The following CEP112 variants were observed in gnomAD, a reference collection of about 807,000 sequenced individuals.
CEP112 encodes the protein centrosomal protein 112.
CEP112 carries 127 observed loss-of-function variants against 153.0 expected under a neutral mutation model. The ratio of observed to expected loss-of-function variants is 0.83; its 90% CI spans 0.72 to 0.96. The LOEUF is 0.96. Ranked by LOEUF, CEP112 falls within the 40% of genes least tolerant of loss-of-function variation. The pLI is 0.00. For synonymous variants in CEP112, 358 were observed against 374.4 expected (o/e 0.96, Z 0.51); for missense variants, 1,089 against 1,101.2 (o/e 0.99, Z 0.16).
At chr17:65,666,841 G>A (rs1432240379) in intron 24 of CEP112, among the ~76,000 whole-genome samples, 4 of 151,716 alleles carry the variant, frequency 2.6e-5, no homozygotes, top group Admixed American at 2.6e-4. Flanking sequence ...TTATACTCTG[G>A]CAAGGCATAC....
intron 6 of CEP112, among the ~76,000 whole-genome samples, chr17:66,115,327 A>G (rs1048034237): frequency 1.1e-4 from 16 of 152,234 alleles, no homozygotes; most frequent in Non-Finnish European, 5.9e-5. Flanking sequence ...AATATCTATC[A>G]TATCAGTTAG....
chr17:66,058,631 C>T (rs2066800914), intron 11 of CEP112, among the ~76,000 whole-genome samples: 1 of 152,052 alleles, frequency 6.6e-6, no homozygotes, highest in African/African-American at 2.4e-5. Flanking sequence ...AGGAGGATCG[C>T]TTGAGGTCAG....
At chr17:66,074,658 T>C (rs2067420211) in intron 8 of CEP112, among the ~76,000 whole-genome samples, 1 of 150,774 alleles carries the variant, frequency 6.6e-6, no homozygotes, top group African/African-American at 2.4e-5. Flanking sequence ...AGGTCAAGAG[T>C]TCGAGGCCAT....
At chr17:65,926,115 A>C (rs1004194045) in intron 19 of CEP112, among the ~76,000 whole-genome samples, 2 of 152,196 alleles carry the variant, frequency 1.3e-5, no homozygotes, top group South Asian at 2.1e-4. Context: ...AACCGGTCCT[A>C]ACCTCCCTCT....
At chr17:66,129,475 TC>T (rs2070025631) in intron 6 of CEP112, among the ~76,000 whole-genome samples, 1 of 152,180 alleles carries the variant, frequency 6.6e-6, no homozygotes, top group African/African-American at 2.4e-5. Flanking sequence ...CCATATACTA[TC>T]TTTAATTATT....
At position 66,142,333 on chromosome 17, in the gene CEP112, T is replaced by G. The variant is rs779880970; in HGVS notation, c.471-9570A>C. On this transcript the variant is annotated intron_variant, in intron 4 of 26. Coordinates refer to ENST00000535342, the MANE Select transcript of CEP112 (RefSeq NM_001199165.4). ...TCTCTTCACTCTGTTGATTGTTTGC[T>G]GTGCAGGAGATTTTTAAGTTGATAA... Among the ~76,000 whole-genome samples, 18 of 152,348 alleles carry G rather than the reference T, an allele frequency of 1.2e-4. No homozygotes were observed. In the East Asian group the frequency reaches 2.7e-3, roughly 23 times the overall value.
At chr17:66,138,999 T>G (rs2070566723) in intron 4 of CEP112, among the ~76,000 whole-genome samples, 1 of 151,448 alleles carries the variant, frequency 6.6e-6, no homozygotes, top group Admixed American at 6.6e-5. Flanking sequence ...AGAGGAAAAT[T>G]TACAACTGTA....
intron 23 of CEP112, among the ~76,000 whole-genome samples, chr17:65,717,029 T>A (rs2049565597): frequency 6.6e-6 from 1 of 152,244 alleles, no homozygotes; most frequent in Non-Finnish European, 1.5e-5. Context: ...CTGTAAACAA[T>A]GGTGCAAACA....
intron 4 of CEP112, among the ~76,000 whole-genome samples, chr17:66,170,581 A>G (rs1400632362): frequency 6.6e-6 from 1 of 152,004 alleles, no homozygotes; most frequent in African/African-American, 2.4e-5. Context: ...CCTGGCCAAC[A>G]TGGTGAAACC....
At chr17:66,014,620 G>C (rs1365814115) in intron 16 of CEP112, among the ~76,000 whole-genome samples, 3 of 152,104 alleles carry the variant, frequency 2.0e-5, no homozygotes, top group Non-Finnish European at 2.9e-5. Flanking sequence ...GGGTCATGGG[G>C]TCTTCTGCTG....
intron 19 of CEP112, among the ~76,000 whole-genome samples, chr17:65,917,495 A>G (rs148780561): frequency 5.3e-5 from 8 of 152,264 alleles, no homozygotes; most frequent in African/African-American, 1.7e-4. Flanking sequence ...AAAGTTTACG[A>G]AGTCTTTCTA....
intron 21 of CEP112, among the ~76,000 whole-genome samples, chr17:65,830,443 C>T (rs1479508914): frequency 6.6e-6 from 1 of 152,224 alleles, no homozygotes; most frequent in Non-Finnish European, 1.5e-5. Flanking sequence ...TGGGAATCTT[C>T]ACAGGAAGAC....
At chr17:65,758,484 A>G (rs1481891804) in intron 21 of CEP112, among the ~76,000 whole-genome samples, 1 of 152,206 alleles carries the variant, frequency 6.6e-6, no homozygotes, top group Non-Finnish European at 1.5e-5. Flanking sequence ...TCTTTGCATT[A>G]TGCCTCAATT....
intron 6 of CEP112, among the ~76,000 whole-genome samples, chr17:66,105,418 GAGTAAGT>G (rs1275535137): frequency 3.9e-5 from 6 of 152,118 alleles, no homozygotes; most frequent in Non-Finnish European, 8.8e-5. Flanking sequence ...AAAATGGCAG[GAGTAAGT>G]CCTTACTTAT....
chr17:65,773,957 C>T (rs952258761), intron 21 of CEP112, among the ~76,000 whole-genome samples: 1 of 151,956 alleles, frequency 6.6e-6, no homozygotes, highest in Non-Finnish European at 1.5e-5. Context: ...TGTGGTGGCA[C>T]ACGCCTGTAA....
intron 12 of CEP112, among the ~76,000 whole-genome samples, chr17:66,051,328 T>C: frequency 6.7e-6 from 1 of 150,258 alleles, no homozygotes; most frequent in Non-Finnish European, 1.5e-5. Flanking sequence ...TTTTTGAACA[T>C]AATATTAACA....
intron 6 of CEP112, among the ~76,000 whole-genome samples, chr17:66,106,726 C>T (rs2068799792): frequency 6.6e-6 from 1 of 151,932 alleles, no homozygotes; most frequent in Non-Finnish European, 1.5e-5. Context: ...TAAAAAAGAA[C>T]TAATATCAAT....
intron 4 of CEP112, among the ~76,000 whole-genome samples, chr17:66,148,165 A>T (rs9914932): frequency 0.24 from 37,052 of 152,086 alleles, 4,708 homozygotes; most frequent in Middle Eastern, 0.37. Context: ...GGAGGCAGCA[A>T]GAGAAAATGA....
chr17:65,687,160 A>ATTTTTTTTT (rs35675811), intron 24 of CEP112, among the ~76,000 whole-genome samples: 2 of 90,142 alleles, frequency 2.2e-5, no homozygotes, highest in Non-Finnish European at 2.0e-5. Flanking sequence ...GTTATTATTA[A>ATTTTTTTTT]TTTTTTTTTT....
Sources: allele counts gnomAD v4.1 joint callset (sites outside exome capture counted in the v4.1 genomes callset), GRCh38; gene constraint gnomAD v4.1.1; transcripts MANE v1.5; gene names NCBI Gene and HGNC (gene_info 2026-07-23, HGNC 2026-07-21).